Variants in PRKCE observed in about 807,000 individuals in gnomAD.
PRKCE encodes the protein protein kinase C epsilon.
In PRKCE, 16 loss-of-function variants were observed where a neutral mutation model predicts 85.4. The observed-to-expected ratio is 0.19, with a 90% CI of 0.13 to 0.28. The LOEUF is 0.28. Ranked by LOEUF, PRKCE falls within the 10% of genes least tolerant of loss-of-function variation. PRKCE has a pLI of 1.00. For missense variants in PRKCE, 573 were observed against 975.2 expected (o/e 0.59, Z 5.49); for synonymous variants, 388 against 371.5 (o/e 1.04, Z -0.51).
intron 2 of PRKCE, among the ~76,000 whole-genome samples, chr2:45,958,207 A>G (rs13026551): frequency 0.35 from 51,774 of 145,982 alleles, 9,645 homozygotes; most frequent in Middle Eastern, 0.52. Context: ...AAAAAAAAAA[A>G]AAAAAAGAAA....
In PRKCE at chr2:45,900,084, G is replaced by A. The variant is rs186710064; in HGVS notation, c.412+57021G>A. On this transcript the variant is annotated intron_variant, in intron 2 of 14. Coordinates refer to ENST00000306156, the MANE Select transcript of PRKCE (RefSeq NM_005400.3). ...AGATTTAAGTGGGAACGGTTGCTTC[G>A]GATAAAATGCAGTTGGAAAAAACCC... Among the ~76,000 whole-genome samples, 109 of 152,180 alleles carry A rather than the reference G, an allele frequency of 7.2e-4. 1 individual carries two copies. Among genetic ancestry groups the A allele is most frequent in the East Asian group, 5.4e-3 (28 of 5,188 alleles).
intron 2 of PRKCE, among the ~76,000 whole-genome samples, chr2:45,898,769 C>A (rs1265854583): frequency 1.3e-5 from 2 of 151,996 alleles, no homozygotes; most frequent in Non-Finnish European, 2.9e-5. Flanking sequence ...TCAGGATTTC[C>A]TAGGGTGGCT....
intron 11 of PRKCE, among the ~76,000 whole-genome samples, chr2:46,135,250 A>C (rs1674845732): frequency 6.6e-6 from 1 of 152,236 alleles, no homozygotes; most frequent in South Asian, 2.1e-4. Context: ...AGTTAGAAAC[A>C]ACCACCACCC....
intron 1 of PRKCE, among the ~76,000 whole-genome samples, chr2:45,738,724 T>C (rs1682294820): frequency 6.6e-6 from 1 of 152,230 alleles, no homozygotes; most frequent in African/African-American, 2.4e-5. Flanking sequence ...TTGTCATATA[T>C]GGCCTAAGTG....
At chr2:45,844,306 G>T (rs554165675) in intron 2 of PRKCE, among the ~76,000 whole-genome samples, 6 of 152,124 alleles carry the variant, frequency 3.9e-5, no homozygotes, top group African/African-American at 1.2e-4. Flanking sequence ...TCCAAAATTG[G>T]TTGCTTACAT....
At chr2:45,873,948 A>C (rs1408664906) in intron 2 of PRKCE, among the ~76,000 whole-genome samples, 1 of 152,252 alleles carries the variant, frequency 6.6e-6, no homozygotes, top group Non-Finnish European at 1.5e-5. Flanking sequence ...TTTTAGAAAG[A>C]ACAGGAGTTC....
chr2:46,022,671 T>C (rs982314449), intron 10 of PRKCE, among the ~76,000 whole-genome samples: 8 of 152,252 alleles, frequency 5.3e-5, no homozygotes, highest in Non-Finnish European at 8.8e-5. Flanking sequence ...CAATGACTAA[T>C]GCTCCTACAT....
rs932538964 is a variant in PRKCE at position 46,068,023 on chromosome 2, C to T, written c.1438-18185C>T. On this transcript the variant is annotated intron_variant, in intron 10 of 14. Transcript: ENST00000306156. This position sits in a 1 kb window ranked among gnomAD's most constrained non-coding sequence, Gnocchi z 4.3. ...TTACTGGCTTACTGATTATATCACT[C>T]GCGAAGGGATTAGTCAGAAGGCAAT... 1.3e-5 allele frequency among the ~76,000 whole-genome samples: 2 copies of T among 152,042 alleles called. No homozygotes were observed. Among genetic ancestry groups the T allele is most frequent in the African/African-American group, 4.8e-5 (2 of 41,388 alleles).
intron 1 of PRKCE, among the ~76,000 whole-genome samples, chr2:45,737,994 C>G (rs1158460171): frequency 6.6e-6 from 1 of 152,070 alleles, no homozygotes; most frequent in South Asian, 2.1e-4. Flanking sequence ...CCCATGTGCT[C>G]AACACCTCCT....
At chr2:45,852,611 C>T (rs975008675) in intron 2 of PRKCE, among the ~76,000 whole-genome samples, 5 of 152,206 alleles carry the variant, frequency 3.3e-5, no homozygotes, top group African/African-American at 4.8e-5. Context: ...CTGGCCTGCT[C>T]TGTACACGGA....
intron 2 of PRKCE, among the ~76,000 whole-genome samples, chr2:45,901,382 G>A (rs541961193): frequency 1.1e-4 from 16 of 152,284 alleles, no homozygotes; most frequent in Non-Finnish European, 2.2e-4. Flanking sequence ...GTATTAGCCT[G>A]TTCACATATT....
intron 1 of PRKCE, among the ~76,000 whole-genome samples, chr2:45,668,593 G>T (rs1184916931): frequency 6.6e-6 from 1 of 152,102 alleles, no homozygotes; most frequent in African/African-American, 2.4e-5. Context: ...GCTGCCCACT[G>T]TCAAGCATTT....
At chr2:45,840,674 T>A (rs994634048) in intron 1 of PRKCE, 1 of 151,514 alleles carries the variant, frequency 6.6e-6, no homozygotes, top group Non-Finnish European at 1.5e-5. Flanking sequence ...CACTGAAGAG[T>A]CTTGTGGGTG....
chr2:45,987,330 G>A (rs896998266), intron 6 of PRKCE, among the ~76,000 whole-genome samples: 6 of 152,110 alleles, frequency 3.9e-5, no homozygotes, highest in African/African-American at 1.2e-4. Context: ...CCGCATGAGG[G>A]CTAGAAGACG....
chr2:46,065,713 A>G (rs1266988268), intron 10 of PRKCE, among the ~76,000 whole-genome samples: 1 of 152,192 alleles, frequency 6.6e-6, no homozygotes, highest in African/African-American at 2.4e-5. Context: ...GGCAAAAAGG[A>G]ATTTAAATAT....
At chr2:46,096,186 A>G (rs1162908925) in intron 11 of PRKCE, among the ~76,000 whole-genome samples, 1 of 152,234 alleles carries the variant, frequency 6.6e-6, no homozygotes, top group African/African-American at 2.4e-5. Context: ...TCCTGGGTAG[A>G]ATAATTAAAC....
chr2:45,654,788 G>A (rs1675302560), intron 1 of PRKCE, among the ~76,000 whole-genome samples: 1 of 152,170 alleles, frequency 6.6e-6, no homozygotes, highest in South Asian at 2.1e-4. Flanking sequence ...TAGCCACTCT[G>A]GTTCCTCCAG....
intron 11 of PRKCE, among the ~76,000 whole-genome samples, chr2:46,125,222 T>G (rs1673730548): frequency 6.6e-6 from 1 of 152,192 alleles, no homozygotes; most frequent in African/African-American, 2.4e-5. Context: ...AGTACTATAG[T>G]TCATCCAGTC....
intron 1 of PRKCE, among the ~76,000 whole-genome samples, chr2:45,760,057 C>T (rs1239557983): frequency 1.3e-5 from 2 of 152,282 alleles, no homozygotes; most frequent in African/African-American, 4.8e-5. Flanking sequence ...AGGGCTGTAA[C>T]AGCTGCTGGA....
Sources: gnomAD v4.1 joint callset for allele counts (sites outside exome capture counted in the v4.1 genomes callset) on GRCh38, gnomAD v4.1.1 for gene constraint, Gnocchi (gnomAD v3.1) non-coding constraint, MANE v1.5 for transcripts, NCBI Gene and HGNC (gene_info 2026-07-23, HGNC 2026-07-21) for gene names.